ADCY3: variants seen among roughly 807,000 people sequenced by gnomAD.
ADCY3 encodes adenylate cyclase type 3.
Under a neutral mutation model 119.4 loss-of-function variants are expected in ADCY3, and 70 were observed. That is an observed-to-expected ratio of 0.59 (90% CI 0.48 to 0.72). ADCY3 has a LOEUF of 0.72. Among genes scored for constraint, ADCY3 ranks in the 30% least tolerant of loss-of-function variants. The pLI is 0.00. For synonymous variants in ADCY3, 672 were observed against 621.4 expected (o/e 1.08, Z -1.21); for missense variants, 1,238 against 1,541.6 (o/e 0.80, Z 3.30).
intron 2 of ADCY3, among the ~76,000 whole-genome samples, chr2:24,874,545 A>G (rs1299461900): frequency 6.6e-6 from 1 of 152,174 alleles, no homozygotes; most frequent in Non-Finnish European, 1.5e-5. Context: ...TCTCTGGCCA[A>G]CCTGGGAGCT....
intron 13 of ADCY3, among the ~76,000 whole-genome samples, chr2:24,829,677 C>G (rs1669185803): frequency 6.6e-6 from 1 of 151,934 alleles, no homozygotes; most frequent in Admixed American, 6.6e-5. Context: ...CCGCCTTGGC[C>G]TCCCAAAGTG....
intron 2 of ADCY3, among the ~76,000 whole-genome samples, chr2:24,897,643 T>A (rs565263305): frequency 1.3e-5 from 2 of 152,310 alleles, no homozygotes; most frequent in African/African-American, 4.8e-5. Context: ...CACCTTCTCA[T>A]GGGTGATTTG....
intron 8 of ADCY3, among the ~76,000 whole-genome samples, 199 bp from the exon 9 acceptor site, chr2:24,837,244 A>G (rs562667376): frequency 6.6e-6 from 1 of 152,304 alleles, no homozygotes; most frequent in African/African-American, 2.4e-5. Flanking sequence ...AAAAGGATGG[A>G]ACTGCCATTA....
intron 2 of ADCY3, among the ~76,000 whole-genome samples, chr2:24,888,992 G>A (rs1221220742): frequency 6.6e-6 from 1 of 152,232 alleles, no homozygotes; most frequent in Non-Finnish European, 1.5e-5. Flanking sequence ...ATGGGCGACA[G>A]AGCGAGACTC....
chr2:24,836,775 G>A, intron 9 of ADCY3, 142 bp downstream of exon 9: 1 of 1,277,538 alleles, frequency 7.8e-7, no homozygotes, highest in East Asian at 2.6e-5. Flanking sequence ...ACCTGTCCAT[G>A]GTTACAGTGC....
rs767194206 is a variant in ADCY3, at chr2:24,827,652, A to G, written c.2433-44T>C. 5.1e-6 allele frequency: 8 copies of G among 1,556,832 alleles called. No individual in the cohort carries two copies. In the Admixed American group the frequency reaches 9.4e-5, roughly 18 times the overall value. On this transcript the variant is annotated intron_variant, in intron 14 of 21. Transcript: ENST00000679454. ...CACAGTCAGGCCCCATCTGGGAACA[A>G]GAGCCTGATGCCCAGCCAGGCACCG...
intron 3 of ADCY3, among the ~76,000 whole-genome samples, chr2:24,852,494 G>A (rs1320327621): frequency 7.2e-5 from 11 of 152,166 alleles, no homozygotes; most frequent in East Asian, 5.8e-4. Context: ...CGGCCTCCCC[G>A]GCCTCACTGC....
chr2:24,917,902 G>A (rs1664655249), intron 2 of ADCY3, among the ~76,000 whole-genome samples: 1 of 152,238 alleles, frequency 6.6e-6, no homozygotes, highest in African/African-American at 2.4e-5. Flanking sequence ...TGACAAAGGG[G>A]CACTGAGTCC....
Position 24,841,165 on chromosome 2 carries a change from G to A in ADCY3, c.1196+94C>T. 1 of 1,370,888 alleles carries A rather than the reference G, an allele frequency of 7.3e-7. No homozygotes were observed. The highest frequency in any genetic ancestry group is 9.7e-7 in the Non-Finnish European group (1 of 1,036,030). 84.9% of individuals were successfully genotyped at this position (1,370,888 alleles called of 1,614,324 possible). A position where few individuals can be genotyped will look rare whatever the true frequency, so the allele number is the denominator to read the frequency against. ...CTGCTTCCAGCAGATCCCCCACCCA[G>A]GGGCCATGGCCAGCGCGGAAGACCT... On this transcript the variant is annotated intron_variant, in intron 6 of 21. Coordinates refer to ENST00000679454, the MANE Select transcript of ADCY3 (RefSeq NM_004036.5). The surrounding 1 kb of genome is among the most constrained non-coding windows in gnomAD (Gnocchi z 5.8).
At position 24,842,307 on chromosome 2, in the gene ADCY3, C is replaced by T. The variant is rs1320333590; in HGVS notation, c.903G>A (p.Gln301=). 6.2e-7 allele frequency: 1 copy of T among 1,614,188 alleles called. No individual in the cohort carries two copies. The highest frequency in any genetic ancestry group is 1.6e-4 in the Middle Eastern group (1 of 6,062). ...TGGTGTTGAACTGCTGCTGGTCCTT[C>T]TGGCTCTCGTCTTTCTTCATGTCTT... ...MLKDMKKDES[Q]KDQQQFNTMY... is the part of the protein sequence containing the mutation. Residue 301 remains glutamine, a synonymous_variant, in exon 4 of 22, where the codon CAG becomes CAA. Transcript: ENST00000679454. The surrounding 1 kb of genome is among the most constrained non-coding windows in gnomAD (Gnocchi z 4.9).
intron 7 of ADCY3, among the ~76,000 whole-genome samples, chr2:24,839,227 C>G (rs781726420): frequency 6.6e-6 from 1 of 152,170 alleles, no homozygotes; most frequent in Non-Finnish European, 1.5e-5. Flanking sequence ...CAGGCGTGAG[C>G]CACAAGATCC....
chr2:24,848,083 TCTGGCCATAAACTGGCCCCAAAA>T (rs1178345482), intron 3 of ADCY3, among the ~76,000 whole-genome samples: 1 of 152,192 alleles, frequency 6.6e-6, no homozygotes, highest in Middle Eastern at 3.2e-3. Context: ...CCCCCCAAAA[TCTGGCCATAAACTGGCCCCAAAA>T]CTGGCCATAA....
At chr2:24,879,974 G>A (rs796141799) in intron 2 of ADCY3, among the ~76,000 whole-genome samples, 13 of 152,304 alleles carry the variant, frequency 8.5e-5, no homozygotes, top group African/African-American at 2.6e-4. Context: ...TCTAAGCATC[G>A]CTGCACCAAG....
intron 2 of ADCY3, among the ~76,000 whole-genome samples, chr2:24,885,947 C>T (rs1355406041): frequency 6.6e-6 from 1 of 152,162 alleles, no homozygotes; most frequent in Non-Finnish European, 1.5e-5. Context: ...CATGCTGTAG[C>T]CCCTATTTTG....
chr2:24,894,484 G>A lies in ADCY3; in HGVS notation c.676-21765C>T, dbSNP rs183522719. On this transcript the variant is annotated intron_variant, in intron 2 of 21. Coordinates refer to ENST00000679454, the MANE Select transcript of ADCY3 (RefSeq NM_004036.5). ...AGTGAGACACTGTCTCTAAAAACTA[G>A]TAACAATAAATAAAGATAAATAAGA... Among the ~76,000 whole-genome samples the A allele has an allele frequency of 5.2e-3, 790 of 152,126 alleles. 4 individuals are homozygous for A. Among genetic ancestry groups the A allele is most frequent in the South Asian group, 0.013 (63 of 4,816 alleles).
intron 2 of ADCY3, among the ~76,000 whole-genome samples, chr2:24,908,294 G>A (rs1663144701): frequency 6.6e-6 from 1 of 152,012 alleles, no homozygotes; most frequent in Admixed American, 6.5e-5. Flanking sequence ...TTGCACTCTG[G>A]CCTGGGCAAC....
At chr2:24,857,693 G>A (rs139974514) in intron 3 of ADCY3, among the ~76,000 whole-genome samples, 93 of 152,304 alleles carry the variant, frequency 6.1e-4, no homozygotes, top group Non-Finnish European at 1.1e-3. Flanking sequence ...AGAAGGATGC[G>A]GAGGGTTCGT....
At position 24,824,534 on chromosome 2, in the gene ADCY3, T is replaced by C; in HGVS notation, c.2580A>G (p.Val860=). 1 of 1,614,088 alleles carries C rather than the reference T, an allele frequency of 6.2e-7. No homozygotes were observed. Among genetic ancestry groups the C allele is most frequent in the Non-Finnish European group, 8.5e-7 (1 of 1,179,944 alleles). The change falls in exon 17 of 22, where the codon GTA becomes GTG. Residue 860 remains valine, a splice_region_variant and synonymous_variant. Transcript: ENST00000679454. ...AGAAAAGTGTCCGTGCCAGTTTTTC[T>C]ACCTACAGACACAGACAAGGCGAGG... ...MLSFYYFSRH[V]EKLARTLFLW...
rs117534017 is a variant in ADCY3 at position 24,895,378 on chromosome 2, C to T, written c.676-22659G>A. ...CTGAGATTACAGGCATGAGCCACCACGCCTGACCAATTCTCTTCATTCTTA... is the reference window on the plus strand; with the variant it reads ...CTGAGATTACAGGCATGAGCCACCATGCCTGACCAATTCTCTTCATTCTTA... On this transcript the variant is annotated intron_variant, in intron 2 of 21. Coordinates refer to ENST00000679454, the MANE Select transcript of ADCY3 (RefSeq NM_004036.5). Among the ~76,000 whole-genome samples, 174 of 152,254 alleles carry T rather than the reference C, an allele frequency of 1.1e-3. 5 individuals are homozygous for T. In the East Asian group the frequency reaches 0.03, roughly 27 times the overall value.
Sources: allele counts gnomAD v4.1 joint callset (sites outside exome capture counted in the v4.1 genomes callset), GRCh38; gene constraint gnomAD v4.1.1; non-coding constraint Gnocchi (gnomAD v3.1); transcripts MANE v1.5; gene names NCBI Gene and HGNC (gene_info 2026-07-23, HGNC 2026-07-21).